TMCO4: variants seen among roughly 807,000 people sequenced by gnomAD.
TMCO4 encodes transmembrane and coiled-coil domains 4, also known as transmembrane and coiled-coil domain-containing protein 4.
A neutral mutation model predicts 64.7 loss-of-function variants in TMCO4; 58 were observed. The observed-to-expected ratio is 0.90, with a 90% CI of 0.73 to 1.12. The LOEUF is 1.12. Among genes scored for constraint, TMCO4 ranks in the 50% most tolerant of loss-of-function variants. TMCO4 has a pLI of 0.00. For synonymous variants in TMCO4, 325 were observed against 346.1 expected (o/e 0.94, Z 0.68); for missense variants, 780 against 825.9 (o/e 0.94, Z 0.68).
intron 7 of TMCO4, chr1:19,750,318 G>A (rs929895713): frequency 4.6e-5 from 7 of 152,302 alleles, no homozygotes; most frequent in African/African-American, 1.7e-4. Context: ...CTAGACAAGC[G>A]ATGTGGCGCT....
intron 13 of TMCO4, among the ~76,000 whole-genome samples, chr1:19,715,687 C>A (rs796349378): frequency 1.3e-5 from 2 of 152,228 alleles, no homozygotes; most frequent in African/African-American, 4.8e-5. Flanking sequence ...CCTCTGGACA[C>A]GCCCCCTGGG....
chr1:19,745,557 C>G lies in TMCO4; in HGVS notation c.852G>C (p.Thr284=). Residue 284 remains threonine (T), a synonymous_variant, in exon 10 of 16, where the codon ACG becomes ACC. Coordinates refer to ENST00000294543, the MANE Select transcript of TMCO4 (RefSeq NM_181719.7). ...GRQLHITIAV[T]GWLASGKYRT... ...GGTATTTGCCAGAAGCGAGCCACCC[C>G]GTGACGGCGATGGTGATGTGCAGCT... 1 of 1,614,162 alleles carries G rather than the reference C, an allele frequency of 6.2e-7. No homozygotes were observed. The highest frequency in any genetic ancestry group is 8.5e-7 in the Non-Finnish European group (1 of 1,180,032).
intron 7 of TMCO4, chr1:19,750,073 C>T (rs1333979102): frequency 6.6e-6 from 1 of 152,172 alleles, no homozygotes; most frequent in African/African-American, 2.4e-5. Context: ...ATAGTGACTA[C>T]CATCCTGTAA....
At chr1:19,730,273 T>C (rs142950150) in intron 13 of TMCO4, among the ~76,000 whole-genome samples, 19 of 152,336 alleles carry the variant, frequency 1.2e-4, no homozygotes, top group Non-Finnish European at 7.4e-5. Context: ...GAAACATACG[T>C]TGATATGGAG....
At chr1:19,712,631 A>G (rs887372527) in intron 13 of TMCO4, among the ~76,000 whole-genome samples, 24 of 151,998 alleles carry the variant, frequency 1.6e-4, no homozygotes, top group African/African-American at 5.8e-4. Flanking sequence ...AAAAAAAAAA[A>G]AAAGAAAAAA....
intron 7 of TMCO4, among the ~76,000 whole-genome samples, chr1:19,754,409 G>T (rs1207543273): frequency 6.6e-6 from 1 of 152,120 alleles, no homozygotes; most frequent in African/African-American, 2.4e-5. Context: ...TATGTCTACA[G>T]GTTATTTCAA....
intron 15 of TMCO4, among the ~76,000 whole-genome samples, chr1:19,684,276 G>A (rs1231814243): frequency 2.0e-5 from 3 of 151,864 alleles, no homozygotes; most frequent in Non-Finnish European, 2.9e-5. Context: ...GGGATTACAC[G>A]TGCATGCTAC....
intron 15 of TMCO4, among the ~76,000 whole-genome samples, chr1:19,688,115 G>A (rs1002759032): frequency 7.9e-5 from 12 of 152,176 alleles, no homozygotes; most frequent in Admixed American, 4.6e-4. Flanking sequence ...GATACACGCC[G>A]GATGTGACTG....
intron 2 of TMCO4, among the ~76,000 whole-genome samples, chr1:19,792,497 T>G (rs1046374456): frequency 1.3e-5 from 2 of 152,216 alleles, no homozygotes; most frequent in Non-Finnish European, 2.9e-5. Flanking sequence ...GTACCCACAG[T>G]AGGCACTCTG....
chr1:19,778,946 C>A (rs2043334874), intron 4 of TMCO4, among the ~76,000 whole-genome samples: 1 of 152,184 alleles, frequency 6.6e-6, no homozygotes, highest in African/African-American at 2.4e-5. Flanking sequence ...GGTCGCTGGG[C>A]ATACAGGTGG....
intron 2 of TMCO4, among the ~76,000 whole-genome samples, chr1:19,796,054 T>C (rs1296824439): frequency 1.3e-5 from 2 of 152,200 alleles, no homozygotes; most frequent in African/African-American, 2.4e-5. Context: ...GTCCAAATAG[T>C]GCCCTTTCCA....
chr1:19,692,679 G>A (rs561642529), intron 15 of TMCO4, among the ~76,000 whole-genome samples: 5 of 151,730 alleles, frequency 3.3e-5, no homozygotes, highest in African/African-American at 9.7e-5. Context: ...CCTGGGAGGC[G>A]GAGGTTGCAG....
intron 13 of TMCO4, among the ~76,000 whole-genome samples, chr1:19,731,036 G>A (rs1218588696): frequency 4.6e-5 from 7 of 152,216 alleles, no homozygotes; most frequent in Admixed American, 3.9e-4. Context: ...GCAGCTGGGA[G>A]GAATGAGATG....
At position 19,755,752 on chromosome 1, in the gene TMCO4, G is replaced by C. The variant is rs751081167; in HGVS notation, c.397C>G (p.Arg133Gly). 1.9e-6 allele frequency: 3 copies of C among 1,613,916 alleles called. No individual in the cohort carries two copies. Among genetic ancestry groups the C allele is most frequent in the African/African-American group, 2.7e-5 (2 of 74,872 alleles). Residue 133 changes from arginine to glycine, a missense_variant, in exon 7 of 16, where the codon CGG becomes GGG. By Grantham distance (125) the Arg-to-Gly change is moderately radical (BLOSUM62 -2). Coordinates refer to ENST00000294543, the MANE Select transcript of TMCO4 (RefSeq NM_181719.7). Reference protein sequence around the residue: ...FSLKDGHYDARARVLVCHMTS... With the variant: ...FSLKDGHYDAGARVLVCHMTS... ...ATGTGGCAAACGAGGACTCTGGCCC[G>C]GGCGTCATAGTGCCCTCGAAAGACA...
At chr1:19,756,319 G>A (rs1251046268) in intron 6 of TMCO4, among the ~76,000 whole-genome samples, 1 of 152,148 alleles carries the variant, frequency 6.6e-6, no homozygotes, top group Non-Finnish European at 1.5e-5. Flanking sequence ...AAATTTCACA[G>A]CTGTGAAGGA....
intron 6 of TMCO4, among the ~76,000 whole-genome samples, chr1:19,765,880 C>T (rs2042716413): frequency 6.6e-6 from 1 of 152,284 alleles, no homozygotes; most frequent in East Asian, 1.9e-4. Flanking sequence ...CCGTCTCACA[C>T]CCAGGGAGAA....
At chr1:19,761,521 GTTCCT>G (rs2042504958) in intron 6 of TMCO4, among the ~76,000 whole-genome samples, 1 of 152,232 alleles carries the variant, frequency 6.6e-6, no homozygotes, top group South Asian at 2.1e-4. Context: ...CAGGGTACCT[GTTCCT>G]CCTCACAAGG....
intron 14 of TMCO4, among the ~76,000 whole-genome samples, chr1:19,698,780 G>C (rs2095252776): frequency 6.6e-6 from 1 of 152,096 alleles, no homozygotes; most frequent in Non-Finnish European, 1.5e-5. Flanking sequence ...CAAAATAATT[G>C]AAAACCAAGT....
rs145634290 is a variant in TMCO4 at position 19,743,592 on chromosome 1, T to C, written c.877+1940A>G. Among the ~76,000 whole-genome samples, 93 of 152,242 alleles carry C rather than the reference T, an allele frequency of 6.1e-4. No homozygotes were observed. Among genetic ancestry groups the C allele is most frequent in the Non-Finnish European group, 1.2e-3 (79 of 68,012 alleles). On this transcript the variant is annotated intron_variant, in intron 10 of 15. Transcript: ENST00000294543. The surrounding 1 kb of genome is among the most constrained non-coding windows in gnomAD (Gnocchi z 4.1). ...GACTTTCCTCATCCCCAAATGAACT[T>C]GACCTTTAACCCGGGGCAAACTGAA...
Sources: allele counts gnomAD v4.1 joint callset (sites outside exome capture counted in the v4.1 genomes callset), GRCh38; gene constraint gnomAD v4.1.1; non-coding constraint Gnocchi (gnomAD v3.1); transcripts MANE v1.5; gene names NCBI Gene and HGNC (gene_info 2026-07-23, HGNC 2026-07-21).